The following DCAF6 variants were observed in gnomAD, a reference collection of about 807,000 sequenced individuals.
DCAF6 encodes the protein DDB1 and CUL4 associated factor 6.
Under a neutral mutation model 125.1 loss-of-function variants are expected in DCAF6, and 54 were observed. That is an observed-to-expected ratio of 0.43 (90% CI 0.35 to 0.54). The LOEUF is 0.54. Among genes scored for constraint, DCAF6 ranks in the 20% least tolerant of loss-of-function variants. DCAF6 has a pLI of 0.01. For synonymous variants in DCAF6, 371 were observed against 390.4 expected (o/e 0.95, Z 0.58); for missense variants, 934 against 1,161.7 (o/e 0.80, Z 2.85).
At chr1:167,935,799 G>T, upstream of DCAF6, 1 of 1,558,470 alleles carries the variant, frequency 6.4e-7, no homozygotes, top group Non-Finnish European at 8.7e-7. Flanking sequence ...TCGAGGAGCC[G>T]GTGGTAGGTG....
rs112461068 is a variant in DCAF6 at position 167,966,213 on chromosome 1, A to G, written c.160-416A>G. Among the ~76,000 whole-genome samples, 570 of 152,288 alleles carry G rather than the reference A, an allele frequency of 3.7e-3. 4 individuals are homozygous for G. Among genetic ancestry groups the G allele is most frequent in the African/African-American group, 0.013 (553 of 41,554 alleles). ...TATTTGTTGTTAGTATGGAGTGGCA[A>G]CTGCTAAGCTTCTTACGTGTGGAAC... On this transcript the variant is annotated intron_variant, in intron 2 of 21. Coordinates refer to ENST00000367840, the MANE Select transcript of DCAF6 (RefSeq NM_001198956.2).
the DCAF6 span, chr1:167,905,254 A>G: frequency 3.1e-6 from 4 of 1,279,096 alleles, no homozygotes; most frequent in Non-Finnish European, 4.5e-6. Context: ...TCATTTTCCT[A>G]TTGCTCTTTC....
At chr1:168,066,522 T>G in intron 20 of DCAF6, 57 bp downstream of exon 20, 1 of 1,233,114 alleles carries the variant, frequency 8.1e-7, no homozygotes, top group Non-Finnish European at 1.2e-6. Flanking sequence ...CTAAAATGCT[T>G]CCCTAAGAAA....
chr1:167,925,442 C>CGTATATATATAT, the DCAF6 span, among the ~76,000 whole-genome samples: 32 of 82,442 alleles, frequency 3.9e-4, no homozygotes, highest in Admixed American at 5.2e-4. Context: ...TACATATACA[C>CGTATATATATAT]ATATATATAT....
intron 11 of DCAF6, among the ~76,000 whole-genome samples, chr1:168,017,285 T>C (rs1685110517): frequency 6.6e-6 from 1 of 151,800 alleles, no homozygotes. Context: ...TAAAAAATCA[T>C]GAAACCTAAA....
intron 7 of DCAF6, among the ~76,000 whole-genome samples, chr1:168,000,461 G>C (rs1349369373): frequency 6.6e-6 from 1 of 152,174 alleles, no homozygotes; most frequent in African/African-American, 2.4e-5. Context: ...GTGAAGCAAA[G>C]TGCAATAAAA....
intron 1 of DCAF6, 117 bp from the exon 2 acceptor site, chr1:167,951,683 A>C (rs890689452): frequency 3.1e-6 from 2 of 651,800 alleles, no homozygotes; most frequent in Non-Finnish European, 2.7e-6. Flanking sequence ...TAAATGGTGG[A>C]GCTGAAATTA....
chr1:167,894,779 G>T, the DCAF6 span, among the ~76,000 whole-genome samples: 14 of 152,138 alleles, frequency 9.2e-5, no homozygotes, highest in Non-Finnish European at 1.8e-4. Flanking sequence ...GTAGGTAGTT[G>T]GTCAGAAGTG....
chr1:167,919,824 A>G, the DCAF6 span, among the ~76,000 whole-genome samples: 1 of 152,000 alleles, frequency 6.6e-6, no homozygotes, highest in Non-Finnish European at 1.5e-5. Context: ...TACTTTAGAT[A>G]CTTCTTGTCT....
At chr1:167,950,157 G>A (rs935434162) in intron 1 of DCAF6, among the ~76,000 whole-genome samples, 1 of 131,066 alleles carries the variant, frequency 7.6e-6, no homozygotes, top group Non-Finnish European at 1.6e-5. Context: ...TTCAAACGCA[G>A]GTTTTAAAAT....
intron 12 of DCAF6, among the ~76,000 whole-genome samples, chr1:168,037,229 G>C (rs1687951309): frequency 6.6e-6 from 1 of 150,524 alleles, no homozygotes; most frequent in African/African-American, 2.4e-5. Flanking sequence ...ATCTTCAAGA[G>C]GAATGAAAAA....
At chr1:167,972,805 A>T (rs1677539656) in intron 3 of DCAF6, among the ~76,000 whole-genome samples, 1 of 152,190 alleles carries the variant, frequency 6.6e-6, no homozygotes, top group African/African-American at 2.4e-5. Flanking sequence ...TGAGAGGGGC[A>T]TCTGAAATCT....
At chr1:167,953,867 G>A (rs1439105052) in intron 2 of DCAF6, among the ~76,000 whole-genome samples, 1 of 152,124 alleles carries the variant, frequency 6.6e-6, no homozygotes, top group African/African-American at 2.4e-5. Context: ...CAAAAGTGCT[G>A]GGATTGCAGG....
At chr1:168,039,888 C>G (rs954921409) in intron 13 of DCAF6, among the ~76,000 whole-genome samples, 1 of 151,550 alleles carries the variant, frequency 6.6e-6, no homozygotes, top group African/African-American at 2.4e-5. Context: ...TAAGTAGGAT[C>G]TTAAAATACT....
upstream of DCAF6, chr1:167,936,649 G>T: frequency 2.5e-6 from 1 of 402,996 alleles, no homozygotes; most frequent in Non-Finnish European, 4.5e-6. Flanking sequence ...TCCTGTTGGA[G>T]GGGGGCTGAG....
rs1178619763 is a variant in DCAF6, at chr1:167,936,844, G to T, written c.-68G>T. 7.4e-7 allele frequency: 1 copy of T among 1,354,604 alleles called. No individual in the cohort carries two copies. Among genetic ancestry groups the T allele is most frequent in the Non-Finnish European group, 1.0e-6 (1 of 973,544 alleles). 83.9% of individuals were successfully genotyped at this position (1,354,604 alleles called of 1,614,324 possible). ...CCGGTGCGGCTCGGGTGTTGAAACG[G>T]GTGTCCCCTCCCCCTCCTCCCCTCC... On this transcript the variant is annotated 5_prime_UTR_variant, in exon 1 of 22. Coordinates refer to ENST00000367840, the MANE Select transcript of DCAF6 (RefSeq NM_001198956.2).
At chr1:167,883,407 G>A in the DCAF6 span, 2 of 1,609,056 alleles carry the variant, frequency 1.2e-6, no homozygotes, top group Non-Finnish European at 1.7e-6. Flanking sequence ...AAAACTATTG[G>A]TAGGTTCCCA....
chr1:168,056,129 A>G, intron 17 of DCAF6: 1 of 1,595,418 alleles, frequency 6.3e-7, no homozygotes, highest in Non-Finnish European at 8.6e-7. Context: ...CACCAAACTC[A>G]TCTTGTTTGT....
intron 3 of DCAF6, among the ~76,000 whole-genome samples, chr1:167,970,417 C>T (rs1014550115): frequency 6.6e-6 from 1 of 152,026 alleles, no homozygotes. Context: ...TTGGGAGGCC[C>T]GAGGTGGGAA....
Sources: gnomAD v4.1 joint callset for allele counts (sites outside exome capture counted in the v4.1 genomes callset) on GRCh38, gnomAD v4.1.1 for gene constraint, MANE v1.5 for transcripts, NCBI Gene and HGNC (gene_info 2026-07-23, HGNC 2026-07-21) for gene names.